Variants in TAF3 observed in about 807,000 individuals in gnomAD.
TAF3 encodes the protein TATA-box binding protein associated factor 3.
TAF3 carries 7 observed loss-of-function variants against 80.6 expected under a neutral mutation model. That is an observed-to-expected ratio of 0.09 (90% confidence interval 0.05 to 0.16). The LOEUF (loss-of-function observed/expected upper bound fraction) is 0.16. Among genes scored for constraint, TAF3 ranks in the 10% least tolerant of loss-of-function variants. The pLI is 1.00. For missense variants in TAF3, 921 were observed against 1,140.2 expected, an observed-to-expected ratio of 0.81 and a Z score of 2.77; for synonymous variants, 444 against 446.1, an observed-to-expected ratio of 1.00 and a Z score of 0.06.
intron 4 of TAF3, among the ~76,000 whole-genome samples, chr10:7,987,201 A>G (rs1275938481): frequency 6.6e-6 from 1 of 152,156 alleles, no homozygotes; most frequent in Non-Finnish European, 1.5e-5. Flanking sequence ...ATGTGCCTTT[A>G]GTCCCACGTA....
At chr10:7,871,616 G>C (rs1448301365) in intron 2 of TAF3, among the ~76,000 whole-genome samples, 1 of 151,612 alleles carries the variant, frequency 6.6e-6, no homozygotes, top group Non-Finnish European at 1.5e-5. Context: ...GCTAATTTTT[G>C]TATTTTTAGT....
At chr10:7,854,892 A>G (rs969628005) in intron 2 of TAF3, among the ~76,000 whole-genome samples, 6 of 152,224 alleles carry the variant, frequency 3.9e-5, no homozygotes, top group Middle Eastern at 3.2e-3. Context: ...ATGAGACAGC[A>G]AAAGTGGTAT....
At chr10:8,004,659 T>G (rs1831974945) in intron 4 of TAF3, among the ~76,000 whole-genome samples, 1 of 152,242 alleles carries the variant, frequency 6.6e-6, no homozygotes, top group Non-Finnish European at 1.5e-5. Flanking sequence ...CACCTGTTTC[T>G]TCTTTGAGAG....
chr10:7,966,647 A>T (rs745512027), intron 3 of TAF3, among the ~76,000 whole-genome samples: 9 of 152,184 alleles, frequency 5.9e-5, no homozygotes, highest in Non-Finnish European at 1.2e-4. Context: ...TCTAAAAGTT[A>T]TCTTCTTTGA....
chr10:7,853,387 A>T (rs1311117705), intron 2 of TAF3, among the ~76,000 whole-genome samples: 1 of 152,238 alleles, frequency 6.6e-6, no homozygotes, highest in Non-Finnish European at 1.5e-5. Flanking sequence ...CACAGCAGTC[A>T]GCAAATGCTA....
At chr10:7,969,472 G>A (rs547763524) in intron 3 of TAF3, among the ~76,000 whole-genome samples, 1 of 152,154 alleles carries the variant, frequency 6.6e-6, no homozygotes, top group Non-Finnish European at 1.5e-5. Context: ...TTTGGTTTCT[G>A]TGTGGGTTGG....
intron 2 of TAF3, among the ~76,000 whole-genome samples, chr10:7,843,262 C>G (rs1046556628): frequency 9.9e-5 from 15 of 152,198 alleles, no homozygotes; most frequent in Non-Finnish European, 8.8e-5. Context: ...CTTGCACCAC[C>G]ATGCCCAGCT....
At chr10:7,957,517 C>T (rs1381672834) in intron 2 of TAF3, among the ~76,000 whole-genome samples, 1 of 152,062 alleles carries the variant, frequency 6.6e-6, no homozygotes, top group Non-Finnish European at 1.5e-5. Flanking sequence ...AATTAATTTT[C>T]AGAATACTCT....
intron 2 of TAF3, among the ~76,000 whole-genome samples, chr10:7,847,843 C>A (rs1025453926): frequency 1.3e-5 from 2 of 152,338 alleles, no homozygotes; most frequent in Non-Finnish European, 2.9e-5. Context: ...TCTGGGCCCA[C>A]CGCAACCTCC....
At position 7,863,626 on chromosome 10, in the gene TAF3, A is replaced by AAATATAT. The variant is rs1218836662; in HGVS notation, c.409+39067_409+39068insATATATA. ...CTCTGTCTAAAAAAAAAAAAAAAAA[A>AAATATAT]ATATATATATATATATATATACACA... On this transcript the variant is annotated intron_variant, in intron 2 of 6. Coordinates refer to ENST00000344293, the MANE Select transcript of TAF3 (RefSeq NM_031923.4). Among the ~76,000 whole-genome samples, 358 of 48,092 alleles carry AAATATAT rather than the reference A, an allele frequency of 7.4e-3. 63 individuals carry two copies. Among genetic ancestry groups the AAATATAT allele is most frequent in the Middle Eastern group, 0.019 (1 of 52 alleles). The allele number at this position is 48,092 out of a possible 152,430, so 31.6% of individuals were successfully genotyped here. A position where few individuals can be genotyped will look rare whatever the true frequency, so the allele number is the denominator to read the frequency against.
chr10:7,965,764 G>C lies in TAF3; in HGVS notation c.2232+22G>C, dbSNP rs574504976. 19 of 1,517,742 alleles carry C rather than the reference G, an allele frequency of 1.3e-5. No homozygotes were observed. The South Asian group carries it at 2.0e-4, about 16-fold the overall frequency. 94.0% of individuals were successfully genotyped at this position (1,517,742 alleles called of 1,614,324 possible). A position where few individuals can be genotyped will look rare whatever the true frequency, so the allele number is the denominator to read the frequency against. ...AAAAGTAAGCAGTTTCTCATTTTTG[G>C]CCCTATCTGAACAGAGTCCTAGTGA... is the stretch of plus-strand genomic sequence containing the variant. On this transcript the variant is annotated intron_variant, in intron 3 of 6. Transcript: ENST00000344293.
In TAF3 at chr10:7,965,709, A is replaced by C; in HGVS notation, c.2199A>C (p.Arg733Ser). Reference protein sequence around the residue: ...REKEKREREKREKEKEKHKHE... With the variant: ...REKEKREREKSEKEKEKHKHE... ...AAGAGAAGAGAGAGCGAGAGAAGAG[A>C]GAAAAAGAGAAGGAGAAACACAAGC... is the stretch of plus-strand genomic sequence containing the variant. Residue 733 changes from arginine (R) to serine (S), a missense_variant, in exon 3 of 7, where the codon AGA becomes AGC. Around this residue, in one of 6 missense-constraint regions of TAF3, gnomAD observed 743 missense variants for 821.0 expected, o/e 0.90. Transcript: ENST00000344293. 6.4e-7 allele frequency: 1 copy of C among 1,553,984 alleles called. No homozygotes were observed. The highest frequency in any genetic ancestry group is 8.6e-7 in the Non-Finnish European group (1 of 1,160,502).
intron 2 of TAF3, among the ~76,000 whole-genome samples, chr10:7,852,828 G>T (rs1429319424): frequency 6.6e-6 from 1 of 152,138 alleles, no homozygotes; most frequent in African/African-American, 2.4e-5. Flanking sequence ...TTTCCTGGTG[G>T]TAGAGTTTGT....
At chr10:7,877,584 T>TATTG (rs1837322569) in intron 2 of TAF3, among the ~76,000 whole-genome samples, 1 of 152,190 alleles carries the variant, frequency 6.6e-6, no homozygotes. Flanking sequence ...AATTTTCCAA[T>TATTG]ATTGCTTTGA....
chr10:7,989,788 A>G (rs750130364), intron 4 of TAF3, among the ~76,000 whole-genome samples: 1 of 152,150 alleles, frequency 6.6e-6, no homozygotes, highest in Non-Finnish European at 1.5e-5. Context: ...AGATGCAGAG[A>G]ATGATTGTTA....
chr10:7,940,791 C>CA (rs1167201343), intron 2 of TAF3, among the ~76,000 whole-genome samples: 4 of 151,582 alleles, frequency 2.6e-5, no homozygotes, highest in Non-Finnish European at 4.4e-5. Flanking sequence ...CCTGTCTCTG[C>CA]AAAAAATTAA....
chr10:7,842,534 G>A (rs1473465934), intron 2 of TAF3, among the ~76,000 whole-genome samples: 1 of 152,034 alleles, frequency 6.6e-6, no homozygotes, highest in African/African-American at 2.4e-5. Flanking sequence ...TGTTCTAAAA[G>A]ATTAAACAAT....
intron 2 of TAF3, among the ~76,000 whole-genome samples, chr10:7,910,971 C>T (rs1458616796): frequency 6.6e-6 from 1 of 152,052 alleles, no homozygotes; most frequent in Non-Finnish European, 1.5e-5. Context: ...GCTCTGGACC[C>T]GCTTAACCTT....
chr10:7,905,909 T>C (rs1005866307), intron 2 of TAF3, among the ~76,000 whole-genome samples: 1 of 152,170 alleles, frequency 6.6e-6, no homozygotes, highest in African/African-American at 2.4e-5. Flanking sequence ...GCAAAGATTC[T>C]GCTTTATGTA....
Sources: allele counts gnomAD v4.1 joint callset (sites outside exome capture counted in the v4.1 genomes callset), GRCh38; gene constraint gnomAD v4.1.1; regional missense constraint gnomAD v4.1.1; transcripts MANE v1.5; gene names NCBI Gene and HGNC (gene_info 2026-07-23, HGNC 2026-07-21).